PARN: variants seen among roughly 807,000 people sequenced by gnomAD.
PARN encodes the protein poly(A)-specific ribonuclease PARN.
Under a neutral mutation model 102.8 loss-of-function variants are expected in PARN, and 71 were observed. That is an observed-to-expected ratio of 0.69 (90% confidence interval 0.57 to 0.84). The LOEUF (loss-of-function observed/expected upper bound fraction) is 0.84. PARN is among the 40% of genes least tolerant of loss of function. The probability of loss-of-function intolerance (pLI) is 0.00; values close to 1 mark genes in which losing one functional copy is unlikely to be tolerated. For synonymous variants in PARN, 261 were observed against 252.9 expected (o/e 1.03, Z -0.30); for missense variants, 782 against 760.9 (o/e 1.03, Z -0.33).
At chr16:14,503,951 T>C (rs761612079) in intron 21 of PARN, among the ~76,000 whole-genome samples, 2 of 152,168 alleles carry the variant, frequency 1.3e-5, no homozygotes, top group Non-Finnish European at 2.9e-5. Context: ...TGGTGGTAAA[T>C]TGTTCTTAGA....
At chr16:14,486,578 A>T (rs1963712245) in intron 21 of PARN, among the ~76,000 whole-genome samples, 1 of 152,238 alleles carries the variant, frequency 6.6e-6, no homozygotes, top group South Asian at 2.1e-4. Flanking sequence ...GAGGGGATTT[A>T]TCTGAGCACA....
chr16:14,466,669 A>G (rs927450864), intron 22 of PARN, among the ~76,000 whole-genome samples: 4 of 152,302 alleles, frequency 2.6e-5, no homozygotes, highest in African/African-American at 9.6e-5. Context: ...ATGTCCTCCC[A>G]TCTATCCTCA....
chr16:14,587,398 T>C (rs1461076673), intron 13 of PARN, among the ~76,000 whole-genome samples: 1 of 152,218 alleles, frequency 6.6e-6, no homozygotes, highest in East Asian at 1.9e-4. Flanking sequence ...TGCTCAAGTA[T>C]CAAGATAGTT....
chr16:14,476,046 C>G (rs1332069945), intron 22 of PARN, among the ~76,000 whole-genome samples: 2 of 151,948 alleles, frequency 1.3e-5, no homozygotes, highest in Non-Finnish European at 2.9e-5. Context: ...TACTTGAAGA[C>G]AGTCAAAAAC....
chr16:14,568,041 G>T (rs1428116228), intron 18 of PARN, among the ~76,000 whole-genome samples: 5 of 152,028 alleles, frequency 3.3e-5, no homozygotes, highest in African/African-American at 1.2e-4. Context: ...GTCACCCAAG[G>T]GTCCTCAGCA....
chr16:14,581,622 A>G lies in PARN; in HGVS notation c.1192+559T>C, dbSNP rs375849408. ...AAGTCACGAGGGAATTAGTGCCCTT[A>G]TAAGAAGGGTCAGGAGGCTGGGTGC... On this transcript the variant is annotated intron_variant, in intron 17 of 23. Coordinates refer to ENST00000437198, the MANE Select transcript of PARN (RefSeq NM_002582.4). Among the ~76,000 whole-genome samples the G allele has an allele frequency of 5.3e-5, 8 of 152,274 alleles. No homozygotes were observed. In the East Asian group the frequency reaches 9.6e-4, roughly 18 times the overall value.
chr16:14,565,017 G>A (rs940949241), intron 18 of PARN: 7 of 152,210 alleles, frequency 4.6e-5, no homozygotes, highest in African/African-American at 9.6e-5. Flanking sequence ...AACCTTAACC[G>A]ACCAGCAGCT....
At chr16:14,507,824 A>G (rs574191333) in intron 21 of PARN, among the ~76,000 whole-genome samples, 1 of 152,342 alleles carries the variant, frequency 6.6e-6, no homozygotes, top group South Asian at 2.1e-4. Context: ...ATCCTATAAT[A>G]AGAATACTAT....
At chr16:14,599,798 G>C (rs896559526) in intron 12 of PARN, 106 bp downstream of exon 12, 1 of 687,038 alleles carries the variant, frequency 1.5e-6, no homozygotes, top group Non-Finnish European at 2.5e-6. Context: ...GAATGTTCTA[G>C]GTAAACATTC....
intron 12 of PARN, among the ~76,000 whole-genome samples, chr16:14,593,860 G>A (rs893472926): frequency 6.6e-6 from 1 of 151,972 alleles, no homozygotes; most frequent in Admixed American, 6.6e-5. Flanking sequence ...AGCCAGGTGC[G>A]GTGGTGCATG....
At chr16:14,446,440 A>C (rs753747007) in intron 23 of PARN, among the ~76,000 whole-genome samples, 1 of 152,164 alleles carries the variant, frequency 6.6e-6, no homozygotes, top group Non-Finnish European at 1.5e-5. Context: ...AACAGGTGCT[A>C]ATTTCCTGTT....
intron 16 of PARN, among the ~76,000 whole-genome samples, chr16:14,582,768 A>C (rs1426123563): frequency 1.3e-5 from 2 of 152,116 alleles, no homozygotes; most frequent in African/African-American, 2.4e-5. Flanking sequence ...GACCTTGGGC[A>C]AGTCACTTCA....
At chr16:14,551,690 T>C (rs1039565124) in intron 21 of PARN, among the ~76,000 whole-genome samples, 26 of 152,190 alleles carry the variant, frequency 1.7e-4, no homozygotes, top group African/African-American at 6.3e-4. Context: ...AACAGGTCAA[T>C]GTAAGTATTA....
intron 6 of PARN, among the ~76,000 whole-genome samples, chr16:14,616,590 G>A (rs115285294): frequency 0.041 from 6,213 of 152,108 alleles, 143 homozygotes; most frequent in African/African-American, 0.051. Context: ...CAAAAAATTC[G>A]AAAATCAGCC....
chr16:14,610,284 C>A (rs1304342865), intron 7 of PARN, among the ~76,000 whole-genome samples: 2 of 151,948 alleles, frequency 1.3e-5, no homozygotes, highest in Non-Finnish European at 2.9e-5. Context: ...ACCAGCGTGG[C>A]CAACATGGCA....
chr16:14,575,713 G>A (rs1180539777), intron 18 of PARN, among the ~76,000 whole-genome samples: 1 of 152,140 alleles, frequency 6.6e-6, no homozygotes, highest in Admixed American at 6.5e-5. Context: ...AAGACTTTGG[G>A]GGACTGTTGG....
intron 23 of PARN, among the ~76,000 whole-genome samples, chr16:14,445,492 G>A (rs16963746): frequency 0.051 from 7,737 of 152,262 alleles, 232 homozygotes; most frequent in African/African-American, 0.079. Context: ...TGAGACAAAG[G>A]AGAATGATTA....
At chr16:14,584,917 A>AGTATTTTCTGTATTAAACAT in intron 14 of PARN, 126 bp from the exon 15 acceptor site, 1 of 593,766 alleles carries the variant, frequency 1.7e-6, no homozygotes, top group Non-Finnish European at 2.9e-6. Context: ...AAAATGTTTA[A>AGTATTTTCTGTATTAAACAT]TACAGAAAAT....
chr16:14,484,052 A>C (rs373955615), intron 21 of PARN, among the ~76,000 whole-genome samples: 1 of 152,168 alleles, frequency 6.6e-6, no homozygotes, highest in South Asian at 2.1e-4. Context: ...TTGCTTCCTC[A>C]TAACTTAGCT....
Sources: gnomAD v4.1 joint callset for allele counts (sites outside exome capture counted in the v4.1 genomes callset) on GRCh38, gnomAD v4.1.1 for gene constraint, MANE v1.5 for transcripts, NCBI Gene and HGNC (gene_info 2026-07-23, HGNC 2026-07-21) for gene names.